Variants in STK10 observed in about 807,000 individuals in gnomAD.
The protein encoded by STK10 is serine/threonine-protein kinase 10.
STK10 carries 78 observed loss-of-function variants against 113.8 expected under a neutral mutation model. The ratio of observed to expected loss-of-function variants is 0.69; its 90% CI spans 0.57 to 0.83. The LOEUF is 0.83. Among genes scored for constraint, STK10 ranks in the 40% least tolerant of loss-of-function variants. The probability of loss-of-function intolerance (pLI) is 0.00; values close to 1 mark genes in which losing one functional copy is unlikely to be tolerated. For synonymous variants in STK10, 465 were observed against 494.7 expected, an observed-to-expected ratio of 0.94 and a Z score of 0.80; for missense variants, 1,109 against 1,280.1, an observed-to-expected ratio of 0.87 and a Z score of 2.04.
chr5:172,161,086 A>G (rs1770460286), intron 1 of STK10, among the ~76,000 whole-genome samples: 1 of 152,208 alleles, frequency 6.6e-6, no homozygotes, highest in Admixed American at 6.5e-5. Flanking sequence ...GAAAGTGACG[A>G]GACAGCATGC....
Position 172,144,657 on chromosome 5 carries a change from A to C in STK10, c.321+11967T>G, listed in dbSNP as rs566006437. On this transcript the variant is annotated intron_variant, in intron 2 of 18. Transcript: ENST00000176763. ...TCCTCCACCCCCAGCCTCACCCACC[A>C]CATTCGAAGGAAGCCTGGGGAAGGA... Among the ~76,000 whole-genome samples, 13 of 152,164 alleles carry C rather than the reference A, an allele frequency of 8.5e-5. No homozygotes were observed. The South Asian group carries it at 2.7e-3, about 32-fold the overall frequency.
At chr5:172,087,606 AATTT>A (rs1319542446) in intron 10 of STK10, among the ~76,000 whole-genome samples, 1 of 131,820 alleles carries the variant, frequency 7.6e-6, no homozygotes, top group African/African-American at 3.5e-5. Context: ...TTATTTTTTA[AATTT>A]ATTTACTTAT....
At chr5:172,108,925 C>T (rs1485630829) in intron 4 of STK10, among the ~76,000 whole-genome samples, 1 of 151,988 alleles carries the variant, frequency 6.6e-6, no homozygotes, top group African/African-American at 2.4e-5. Context: ...GATGACATTA[C>T]AGGCATGTGC....
intron 1 of STK10, among the ~76,000 whole-genome samples, chr5:172,185,526 C>T (rs1770939936): frequency 6.6e-6 from 1 of 152,016 alleles, no homozygotes; most frequent in Non-Finnish European, 1.5e-5. Flanking sequence ...TTCAGCCTCC[C>T]AAAGTGCTAG....
intron 7 of STK10, among the ~76,000 whole-genome samples, chr5:172,105,389 G>A (rs1769076542): frequency 6.6e-6 from 1 of 151,966 alleles, no homozygotes; most frequent in African/African-American, 2.4e-5. Context: ...GCCACCCCCT[G>A]CCACGCACAC....
intron 7 of STK10, among the ~76,000 whole-genome samples, chr5:172,101,209 G>A (rs535748723): frequency 6.6e-6 from 1 of 152,134 alleles, no homozygotes; most frequent in South Asian, 2.1e-4. Context: ...GGTGGCTCAC[G>A]CCTGTAATCC....
At chr5:172,087,591 A>G (rs1192068958) in intron 10 of STK10, among the ~76,000 whole-genome samples, 1 of 146,244 alleles carries the variant, frequency 6.8e-6, no homozygotes, top group African/African-American at 2.5e-5. Flanking sequence ...TTCATTTTTT[A>G]CAATTTATTT....
intron 3 of STK10, among the ~76,000 whole-genome samples, chr5:172,119,176 G>T (rs1456319688): frequency 6.6e-6 from 1 of 151,828 alleles, no homozygotes; most frequent in African/African-American, 2.4e-5. Context: ...CACAGGTTGA[G>T]TAGGTCTGAG....
chr5:172,174,628 A>G (rs73805211), intron 1 of STK10, among the ~76,000 whole-genome samples: 6,648 of 152,224 alleles, frequency 0.044, 441 homozygotes, highest in African/African-American at 0.15. Context: ...CCAGTTTGTA[A>G]CAACAGCCCT....
chr5:172,157,071 GA>G (rs940360928), intron 1 of STK10, among the ~76,000 whole-genome samples: 1 of 151,888 alleles, frequency 6.6e-6, no homozygotes, highest in Admixed American at 6.6e-5. Context: ...AAAAAACGAA[GA>G]AAAAAACCCA....
At chr5:172,101,502 G>A (rs1581156399) in intron 7 of STK10, among the ~76,000 whole-genome samples, 2 of 150,804 alleles carry the variant, frequency 1.3e-5, no homozygotes, top group African/African-American at 4.9e-5. Context: ...AATTTATTTA[G>A]CAAATATTTG....
intron 4 of STK10, among the ~76,000 whole-genome samples, chr5:172,109,038 G>A (rs558962976): frequency 6.6e-6 from 1 of 152,174 alleles, no homozygotes; most frequent in Admixed American, 6.5e-5. Context: ...ACCAGCCTTG[G>A]CCTTCCAAAG....
intron 14 of STK10, among the ~76,000 whole-genome samples, chr5:172,058,538 G>A (rs754373222): frequency 6.6e-6 from 1 of 152,146 alleles, no homozygotes; most frequent in Admixed American, 6.5e-5. Context: ...GGCTTGGACC[G>A]TCAAAAGTCC....
intron 7 of STK10, chr5:172,105,421 G>A (rs1769077646): frequency 8.9e-6 from 5 of 563,296 alleles, no homozygotes; most frequent in South Asian, 4.3e-5. Flanking sequence ...TTTGCCACCT[G>A]TATCCCCACT....
chr5:172,159,954 G>A (rs1770435082), intron 1 of STK10, among the ~76,000 whole-genome samples: 3 of 151,456 alleles, frequency 2.0e-5, no homozygotes, highest in East Asian at 1.9e-4. Flanking sequence ...TGACCAACAT[G>A]GTGAAACCCC....
chr5:172,163,499 T>C lies in STK10; in HGVS notation c.157-6711A>G, dbSNP rs578172002. Among the ~76,000 whole-genome samples, 250 of 152,274 alleles carry C rather than the reference T, an allele frequency of 1.6e-3. 2 individuals carry two copies. The highest frequency in any genetic ancestry group is 3.4e-3 in the Middle Eastern group (1 of 294). On this transcript the variant is annotated intron_variant, in intron 1 of 18. Transcript: ENST00000176763. Reference sequence around the variant, plus strand: ...CTGAGGAGTGCTCAGGCAGCCAGAATGTCATCTGCCAACAAACCGTTAAGG... The same window carrying C: ...CTGAGGAGTGCTCAGGCAGCCAGAACGTCATCTGCCAACAAACCGTTAAGG...
At chr5:172,053,628 T>C (rs1468479632) in intron 17 of STK10, among the ~76,000 whole-genome samples, 1 of 152,224 alleles carries the variant, frequency 6.6e-6, no homozygotes, top group East Asian at 1.9e-4. Flanking sequence ...CAAGTCCCTG[T>C]TGATTTCTTG....
intron 15 of STK10, chr5:172,057,022 AAAGAAAGAAAGAAAGAAAGAAAG>A (rs1767816768): frequency 5.9e-6 from 1 of 168,736 alleles, no homozygotes; most frequent in African/African-American, 2.5e-5. Flanking sequence ...AGAAAGAAAG[AAAGAAAGAAAGAAAGAAAGAAAG>A]AAAGAAAAGA....
chr5:172,049,350 G>A (rs1336561243), intron 18 of STK10, among the ~76,000 whole-genome samples: 1 of 152,174 alleles, frequency 6.6e-6, no homozygotes, highest in Non-Finnish European at 1.5e-5. Flanking sequence ...ACACCATACA[G>A]CCTCCGTGGG....
Sources: gnomAD v4.1 joint callset for allele counts (sites outside exome capture counted in the v4.1 genomes callset) on GRCh38, gnomAD v4.1.1 for gene constraint, MANE v1.5 for transcripts, NCBI Gene and HGNC (gene_info 2026-07-23, HGNC 2026-07-21) for gene names.